PDIA5: variants seen among roughly 807,000 people sequenced by gnomAD.
The protein encoded by PDIA5 is protein disulfide-isomerase A5.
Under a neutral mutation model 77.6 loss-of-function variants are expected in PDIA5, and 58 were observed. The observed-to-expected ratio is 0.75, with a 90% CI of 0.61 to 0.93. PDIA5 has a LOEUF of 0.93. Among genes scored for constraint, PDIA5 ranks in the 40% least tolerant of loss-of-function variants. PDIA5 has a pLI of 0.00. For missense variants in PDIA5, 630 were observed against 647.7 expected, an observed-to-expected ratio of 0.97 and a Z score of 0.30; for synonymous variants, 250 against 252.1, an observed-to-expected ratio of 0.99 and a Z score of 0.08.
chr3:123,073,702 T>TC (rs1933783384), intron 1 of PDIA5, among the ~76,000 whole-genome samples: 1 of 152,206 alleles, frequency 6.6e-6, no homozygotes. Flanking sequence ...ATTCCATTCC[T>TC]AGATGGTGTG....
At chr3:123,103,717 C>T (rs1225937946) in intron 5 of PDIA5, among the ~76,000 whole-genome samples, 3 of 152,126 alleles carry the variant, frequency 2.0e-5, no homozygotes, top group Non-Finnish European at 2.9e-5. Flanking sequence ...ACAGCGTTCA[C>T]CTTATATAGG....
chr3:123,092,582 C>T (rs1934326596), intron 3 of PDIA5, 140 bp downstream of exon 3: 2 of 691,386 alleles, frequency 2.9e-6, no homozygotes, highest in Admixed American at 2.3e-5. Flanking sequence ...AGTGATACTT[C>T]GAGGTCACCT....
intron 8 of PDIA5, among the ~76,000 whole-genome samples, chr3:123,120,438 C>A (rs977264953): frequency 1.3e-5 from 2 of 152,260 alleles, no homozygotes; most frequent in African/African-American, 4.8e-5. Flanking sequence ...CTCATAGACA[C>A]AGATGACTGA....
At chr3:123,146,024 A>T in intron 12 of PDIA5, 75 bp from the exon 13 acceptor site, 2 of 1,407,988 alleles carry the variant, frequency 1.4e-6, no homozygotes, top group Non-Finnish European at 2.0e-6. Context: ...TTGTGGGGGC[A>T]GCGTCTGGGC....
intron 11 of PDIA5, among the ~76,000 whole-genome samples, chr3:123,144,147 G>T (rs918301846): frequency 1.3e-5 from 2 of 152,154 alleles, no homozygotes; most frequent in East Asian, 1.9e-4. Flanking sequence ...CACCCCTGCC[G>T]GGTGCTCAGC....
rs71623603 is a variant in PDIA5, at chr3:123,101,906, CTTTTTTTT to C, written c.258-491_258-484del. On this transcript the variant is annotated intron_variant, in intron 3 of 16. Transcript: ENST00000316218. ...TCCCCTTCCTTTCCTTTCTTTCTTGCTTTTTTTTTTTTTTTTTTTTTGAGATGGAGTCT... is the reference window on the plus strand; with the variant it reads ...TCCCCTTCCTTTCCTTTCTTTCTTGCTTTTTTTTTTTTTGAGATGGAGTCT... Among the ~76,000 whole-genome samples the C allele has an allele frequency of 7.5e-3, 534 of 71,404 alleles. 8 individuals are homozygous for C. Among genetic ancestry groups the C allele is most frequent in the African/African-American group, 0.027 (502 of 18,386 alleles). 46.8% of individuals were successfully genotyped at this position (71,404 alleles called of 152,430 possible).
intron 1 of PDIA5, among the ~76,000 whole-genome samples, chr3:123,075,028 A>G (rs1286344570): frequency 2.6e-5 from 4 of 152,222 alleles, no homozygotes; most frequent in African/African-American, 9.6e-5. Context: ...TCTGTTTGGT[A>G]AAGAAGAGAA....
intron 2 of PDIA5, among the ~76,000 whole-genome samples, chr3:123,089,938 T>C (rs1934240439): frequency 6.6e-6 from 1 of 152,150 alleles, no homozygotes; most frequent in Non-Finnish European, 1.5e-5. Flanking sequence ...GGCAGTGACT[T>C]TGGGGGAGGG....
At chr3:123,129,749 C>T (rs780454486) in intron 10 of PDIA5, among the ~76,000 whole-genome samples, 7 of 152,144 alleles carry the variant, frequency 4.6e-5, no homozygotes, top group African/African-American at 1.7e-4. Context: ...AGTCACGCTG[C>T]GGAAACAGGC....
intron 11 of PDIA5, among the ~76,000 whole-genome samples, chr3:123,140,951 G>C (rs1290201132): frequency 6.6e-6 from 1 of 152,206 alleles, no homozygotes; most frequent in African/African-American, 2.4e-5. Context: ...CGAGTTCTCA[G>C]ACTCAGCCTC....
chr3:123,153,065 C>G (rs932712694), intron 14 of PDIA5, among the ~76,000 whole-genome samples: 6 of 152,128 alleles, frequency 3.9e-5, no homozygotes, highest in Admixed American at 6.5e-5. Context: ...CTGAAACAGC[C>G]CTCCCTCCCA....
At chr3:123,152,750 G>C (rs916733064) in intron 14 of PDIA5, among the ~76,000 whole-genome samples, 43 of 151,942 alleles carry the variant, frequency 2.8e-4, no homozygotes, top group African/African-American at 1.0e-3. Flanking sequence ...CACCATGTCT[G>C]CCCCTGCATC....
At chr3:123,144,701 A>C (rs1935719050) in intron 11 of PDIA5, 1 of 152,270 alleles carries the variant, frequency 6.6e-6, no homozygotes, top group East Asian at 1.9e-4. Context: ...TGGCTAACAC[A>C]GTGAAACCCC....
chr3:123,090,469 T>C (rs368965944), intron 2 of PDIA5, among the ~76,000 whole-genome samples: 1 of 152,202 alleles, frequency 6.6e-6, no homozygotes. Context: ...TCTCATTGGC[T>C]CCTTTGCTGT....
chr3:123,082,363 C>A (rs2107911997), intron 1 of PDIA5, among the ~76,000 whole-genome samples: 1 of 152,156 alleles, frequency 6.6e-6, no homozygotes, highest in Admixed American at 6.5e-5. Flanking sequence ...TACTGTGTGA[C>A]CTTGGTAATT....
In PDIA5 at chr3:123,113,597, G is replaced by A. The variant is rs531868297; in HGVS notation, c.541+2593G>A. Among the ~76,000 whole-genome samples the A allele has an allele frequency of 1.5e-3, 232 of 152,246 alleles. 2 individuals are homozygous for A. Among genetic ancestry groups the A allele is most frequent in the African/African-American group, 5.3e-3 (222 of 41,556 alleles). Reference sequence around the variant, plus strand: ...CGGGACCCTTTTTTTGATTATGCACGTGTGTATGATTTTTTACAAAATGAA... The same window carrying A: ...CGGGACCCTTTTTTTGATTATGCACATGTGTATGATTTTTTACAAAATGAA... On this transcript the variant is annotated intron_variant, in intron 7 of 16. Transcript: ENST00000316218.
At chr3:123,086,625 G>A (rs900092564) in intron 1 of PDIA5, among the ~76,000 whole-genome samples, 17 of 152,274 alleles carry the variant, frequency 1.1e-4, no homozygotes, top group Admixed American at 3.3e-4. Flanking sequence ...CATGAGCTCC[G>A]TCGTTGCTCT....
At chr3:123,098,008 T>C (rs1934485208) in intron 3 of PDIA5, among the ~76,000 whole-genome samples, 1 of 152,196 alleles carries the variant, frequency 6.6e-6, no homozygotes, top group African/African-American at 2.4e-5. Context: ...TGTGGCTGAC[T>C]GAGGATCTGG....
chr3:123,069,265 A>G (rs1392223790), intron 1 of PDIA5, among the ~76,000 whole-genome samples: 1 of 152,180 alleles, frequency 6.6e-6, no homozygotes, highest in Non-Finnish European at 1.5e-5. Flanking sequence ...CTGAGGGCTG[A>G]TATGTGCACA....
Sources: allele counts gnomAD v4.1 joint callset (sites outside exome capture counted in the v4.1 genomes callset), GRCh38; gene constraint gnomAD v4.1.1; transcripts MANE v1.5; gene names NCBI Gene and HGNC (gene_info 2026-07-23, HGNC 2026-07-21).